RELN: variants seen among roughly 807,000 people sequenced by gnomAD.
RELN encodes the protein reelin.
A neutral mutation model predicts 427.6 loss-of-function variants in RELN; 108 were observed. The ratio of observed to expected loss-of-function variants is 0.25; its 90% CI spans 0.22 to 0.30. The LOEUF is 0.30. Among genes scored for constraint, RELN ranks in the 10% least tolerant of loss-of-function variants. The pLI, the probability that RELN is intolerant of heterozygous loss-of-function variation, is 1.00. For missense variants in RELN, 3,715 were observed against 4,302.8 expected (o/e 0.86, Z 3.82); for synonymous variants, 1,524 against 1,513.4 (o/e 1.01, Z -0.16).
At chr7:103,568,336 G>A (rs1321955222) in intron 31 of RELN, among the ~76,000 whole-genome samples, 2 of 152,168 alleles carry the variant, frequency 1.3e-5, no homozygotes, top group East Asian at 1.9e-4. Flanking sequence ...TGACAAATAT[G>A]CTAAAATTAG....
At chr7:103,613,769 G>T (rs1832018894) in intron 20 of RELN, among the ~76,000 whole-genome samples, 1 of 152,212 alleles carries the variant, frequency 6.6e-6, no homozygotes. Context: ...TAGTACATGG[G>T]CTGAAGGGTC....
intron 17 of RELN, among the ~76,000 whole-genome samples, chr7:103,639,453 G>T (rs1319892044): frequency 6.8e-6 from 1 of 148,004 alleles, no homozygotes; most frequent in Non-Finnish European, 1.5e-5. Flanking sequence ...AGGCTGGAGT[G>T]CAGTGACACG....
intron 1 of RELN, among the ~76,000 whole-genome samples, chr7:103,941,714 C>G (rs2116737676): frequency 6.6e-6 from 1 of 152,172 alleles, no homozygotes; most frequent in South Asian, 2.1e-4. Context: ...AAACTCATAA[C>G]ATTTAACAAT....
At chr7:103,647,723 C>G (rs187627358) in intron 16 of RELN, among the ~76,000 whole-genome samples, 200 of 151,848 alleles carry the variant, frequency 1.3e-3, no homozygotes, top group Non-Finnish European at 2.3e-3. Context: ...TCATATGGAA[C>G]CAAAAGAAAG....
Position 103,522,268 on chromosome 7 carries a change from A to G in RELN, c.7491-69T>C. 3 of 1,459,488 alleles carry G rather than the reference A, an allele frequency of 2.1e-6. No individual in the cohort carries two copies. The Admixed American group carries it at 5.3e-5, about 26-fold the overall frequency. 90.4% of individuals were successfully genotyped at this position (1,459,488 alleles called of 1,614,324 possible). ...GCCCCTGCAAGCTTGTTCTCAAATT[A>G]GTGAAGACTACTCTTTTCCTAGTCC... On this transcript the variant is annotated intron_variant, in intron 47 of 64. Coordinates refer to ENST00000428762, the MANE Select transcript of RELN (RefSeq NM_005045.4).
chr7:103,793,347 T>A (rs1372944310), intron 3 of RELN, among the ~76,000 whole-genome samples: 1 of 152,222 alleles, frequency 6.6e-6, no homozygotes, highest in East Asian at 1.9e-4. Context: ...CAGTCATGTG[T>A]ACCATGTTTT....
intron 8 of RELN, among the ~76,000 whole-genome samples, chr7:103,714,073 CT>C (rs1256939581): frequency 6.6e-6 from 1 of 152,118 alleles, no homozygotes; most frequent in Non-Finnish European, 1.5e-5. Context: ...GCATATAATG[CT>C]GTAATTTCCA....
intron 19 of RELN, among the ~76,000 whole-genome samples, chr7:103,630,843 ATTTTTTTGTTTTTTTTGTT>A (rs1253444634): frequency 1.2e-3 from 115 of 94,228 alleles, no homozygotes; most frequent in African/African-American, 5.6e-3. Flanking sequence ...GGGCTGAGTT[ATTTTTTTGTTTTTTTTGTT>A]TTTTTTTTTT....
chr7:103,516,530 C>T (rs1829570801), intron 49 of RELN, among the ~76,000 whole-genome samples: 2 of 152,076 alleles, frequency 1.3e-5, no homozygotes, highest in African/African-American at 4.8e-5. Flanking sequence ...TCGGGTGATC[C>T]ACCCACCTCA....
chr7:103,934,409 G>C (rs140190362), intron 1 of RELN, among the ~76,000 whole-genome samples: 106 of 152,180 alleles, frequency 7.0e-4, no homozygotes, highest in Non-Finnish European at 1.1e-3. Flanking sequence ...TACAGCTTAA[G>C]CCATAGCCAG....
intron 5 of RELN, among the ~76,000 whole-genome samples, chr7:103,751,642 C>A (rs977211899): frequency 6.6e-6 from 1 of 152,238 alleles, no homozygotes; most frequent in African/African-American, 2.4e-5. Context: ...GATACCCAAT[C>A]TGGCCGAGAC....
intron 2 of RELN, among the ~76,000 whole-genome samples, chr7:103,891,024 G>A (rs1794837842): frequency 6.6e-6 from 1 of 152,122 alleles, no homozygotes; most frequent in Non-Finnish European, 1.5e-5. Context: ...AGAGGTTGCA[G>A]TGAGCAGAGA....
chr7:103,541,274 C>T (rs10259114), intron 43 of RELN, among the ~76,000 whole-genome samples: 2,377 of 152,300 alleles, frequency 0.016, 66 homozygotes, highest in African/African-American at 0.054. Context: ...AGGCAAGCTG[C>T]TGCTTTCTGG....
At chr7:103,823,224 T>TTA (rs1793052653) in intron 3 of RELN, among the ~76,000 whole-genome samples, 1 of 132,216 alleles carries the variant, frequency 7.6e-6, no homozygotes, top group East Asian at 2.2e-4. Flanking sequence ...TTTTGTGCCA[T>TTA]TATGTTTAGT....
chr7:103,537,810 C>G lies in RELN; in HGVS notation c.7180+1268G>C, dbSNP rs10243194. Among the ~76,000 whole-genome samples, 1,151 of 152,264 alleles carry G rather than the reference C, an allele frequency of 7.6e-3. 13 individuals are homozygous for G. The highest frequency in any genetic ancestry group is 0.026 in the African/African-American group (1,077 of 41,560). On this transcript the variant is annotated intron_variant, in intron 45 of 64. Coordinates refer to ENST00000428762, the MANE Select transcript of RELN (RefSeq NM_005045.4). The stretch of plus-strand genomic sequence containing the variant: ...CAGCTTCTTTGCTTCTGCTTACAGC[C>G]TAGTTTGGGGGCCCTTTCTTTTCCA...
chr7:103,911,278 G>T (rs1393055821), intron 2 of RELN, among the ~76,000 whole-genome samples: 2 of 150,134 alleles, frequency 1.3e-5, no homozygotes, highest in African/African-American at 5.0e-5. Flanking sequence ...AGCCATCAGA[G>T]AAATGCAAAT....
intron 2 of RELN, among the ~76,000 whole-genome samples, chr7:103,874,072 G>A (rs1405850289): frequency 6.8e-6 from 1 of 146,142 alleles, no homozygotes; most frequent in Middle Eastern, 3.2e-3. Flanking sequence ...CAGTAAATGT[G>A]ATCCAGCATA....
chr7:103,836,088 G>A (rs1584281449), intron 2 of RELN, among the ~76,000 whole-genome samples: 1 of 151,668 alleles, frequency 6.6e-6, no homozygotes, highest in African/African-American at 2.4e-5. Flanking sequence ...TCAGCCTCCC[G>A]AGTAGCTGGG....
At chr7:103,485,785 T>G (rs1333311187) in intron 61 of RELN, among the ~76,000 whole-genome samples, 1 of 152,206 alleles carries the variant, frequency 6.6e-6, no homozygotes, top group Non-Finnish European at 1.5e-5. Context: ...CCATTTCTAT[T>G]TATTGTACTT....
Sources: allele counts gnomAD v4.1 joint callset (sites outside exome capture counted in the v4.1 genomes callset), GRCh38; gene constraint gnomAD v4.1.1; transcripts MANE v1.5; gene names NCBI Gene and HGNC (gene_info 2026-07-23, HGNC 2026-07-21).